Variants in CACNA1B observed in about 807,000 individuals in gnomAD.
The protein encoded by CACNA1B is calcium voltage-gated channel subunit alpha1 B, also known as voltage-dependent N-type calcium channel subunit alpha-1B.
CACNA1B carries 70 observed loss-of-function variants against 247.2 expected under a neutral mutation model. The observed-to-expected ratio is 0.28, with a 90% CI of 0.23 to 0.35. CACNA1B has a LOEUF of 0.35. Among genes scored for constraint, CACNA1B ranks in the 10% least tolerant of loss-of-function variants. The pLI, the probability that CACNA1B is intolerant of heterozygous loss-of-function variation, is 1.00. For missense variants in CACNA1B, 2,367 were observed against 3,197.4 expected, an observed-to-expected ratio of 0.74 and a Z score of 6.26; for synonymous variants, 1,231 against 1,294.4, an observed-to-expected ratio of 0.95 and a Z score of 1.05.
chr9:138,073,637 T>C lies in CACNA1B; in HGVS notation c.4791+33T>C. 8.2e-7 allele frequency: 1 copy of C among 1,212,354 alleles called. No homozygotes were observed. The highest frequency in any genetic ancestry group is 1.2e-6 in the Non-Finnish European group (1 of 814,154). The allele number at this position is 1,212,354 out of a possible 1,614,324, so 75.1% of individuals were successfully genotyped here. Reference sequence around the variant, plus strand: ...AGGCGGGGGGCCTCCATGCTTTCTGTCCCCTTCCTCCGTCTTGCTTCCCCT... The same window carrying C: ...AGGCGGGGGGCCTCCATGCTTTCTGCCCCCTTCCTCCGTCTTGCTTCCCCT... On this transcript the variant is annotated intron_variant, in intron 33 of 46. Transcript: ENST00000371372. The surrounding 1 kb of genome is among the most constrained non-coding windows in gnomAD (Gnocchi z 6.4).
intron 36 of CACNA1B, among the ~76,000 whole-genome samples, chr9:138,092,956 A>G (rs1475675366): frequency 1.3e-5 from 2 of 152,206 alleles, no homozygotes; most frequent in Admixed American, 6.5e-5. Flanking sequence ...ATTGCAAACT[A>G]TTCATCTGAC....
chr9:137,895,100 G>A (rs1294418098), intron 3 of CACNA1B, among the ~76,000 whole-genome samples: 3 of 152,146 alleles, frequency 2.0e-5, no homozygotes, highest in Non-Finnish European at 4.4e-5. Context: ...TTTGTTGAAA[G>A]GGCTGCATTT....
intron 37 of CACNA1B, chr9:138,101,027 C>G: frequency 2.2e-6 from 1 of 463,890 alleles, no homozygotes; most frequent in South Asian, 1.6e-5. Flanking sequence ...TCGGTCTTCC[C>G]ATCACAGGCT....
chr9:138,105,779 G>A lies in CACNA1B; in HGVS notation c.5400G>A (p.Arg1800=). The A allele has an allele frequency of 1.3e-6, 2 of 1,560,200 alleles. No individual in the cohort carries two copies. The highest frequency in any genetic ancestry group is 2.4e-5 in the East Asian group (1 of 41,572). The change falls in exon 39 of 47, where the codon CGG becomes CGA. Residue 1800 remains arginine, a synonymous_variant. Transcript: ENST00000371372. ...HFTSTLMALI[R]TALEIKLAPA... is the part of the protein sequence containing the mutation. ...CGTCCACGCTGATGGCCCTCATCCGGACGGCACTGGAGATCAAGCTGGCCC... is the reference window on the plus strand; with the variant it reads ...CGTCCACGCTGATGGCCCTCATCCGAACGGCACTGGAGATCAAGCTGGCCC...
intron 20 of CACNA1B, among the ~76,000 whole-genome samples, chr9:138,043,033 T>G (rs1959144592): frequency 6.6e-6 from 1 of 152,130 alleles, no homozygotes; most frequent in South Asian, 2.1e-4. Context: ...ATAGGATAGT[T>G]GAAAATGAAG....
At chr9:138,047,684 G>A (rs1400483564) in intron 23 of CACNA1B, among the ~76,000 whole-genome samples, 4 of 152,224 alleles carry the variant, frequency 2.6e-5, no homozygotes, top group Non-Finnish European at 4.4e-5. Flanking sequence ...CCCCAGTGTC[G>A]TGCCTGGGCC....
chr9:138,028,571 T>C (rs1958950275), intron 20 of CACNA1B, among the ~76,000 whole-genome samples: 1 of 152,242 alleles, frequency 6.6e-6, no homozygotes, highest in Admixed American at 6.5e-5. Flanking sequence ...CATAACTTAC[T>C]GTGAACAAAA....
rs1276359263 is a variant in CACNA1B, at chr9:138,033,423, G to T, written c.3286+8251G>T. Among the ~76,000 whole-genome samples the T allele has an allele frequency of 2.0e-5, 3 of 151,962 alleles. No homozygotes were observed. The East Asian group carries it at 5.8e-4, about 29-fold the overall frequency. On this transcript the variant is annotated intron_variant, in intron 20 of 46. Transcript: ENST00000371372. ...TTGATTGTGTTTTCTCATTCAAGTT[G>T]AGATTTCCTGGTTCTTGGTGTGATA... is the stretch of plus-strand genomic sequence containing the variant.
rs1958762530 is a variant in CACNA1B, at chr9:138,014,229, T to C, written c.2267+994T>C. ...TGGATGAGTGTGCTAGGTGTGTGTG[T>C]GTGCACTTGAGAGTTGCACAGTGAG... is the stretch of plus-strand genomic sequence containing the variant. On this transcript the variant is annotated intron_variant, in intron 18 of 46. Coordinates refer to ENST00000371372, the MANE Select transcript of CACNA1B (RefSeq NM_000718.4). This position sits in a 1 kb window ranked among gnomAD's most constrained non-coding sequence, Gnocchi z 6.2. Among the ~76,000 whole-genome samples, 1 of 152,214 alleles carries C rather than the reference T, an allele frequency of 6.6e-6. No individual in the cohort carries two copies. Among genetic ancestry groups the C allele is most frequent in the Admixed American group, 6.5e-5 (1 of 15,280 alleles).
chr9:138,057,981 C>T lies in CACNA1B; in HGVS notation c.4107-68C>T. On this transcript the variant is annotated intron_variant, in intron 27 of 46. Transcript: ENST00000371372. This position sits in a 1 kb window ranked among gnomAD's most constrained non-coding sequence, Gnocchi z 4.0. ...TGGAAGCAGACCCACCCTTGTGGTG[C>T]AGGTCTTGAGTTCTTAGGGCTGTCT... 6.4e-7 allele frequency: 1 copy of T among 1,550,396 alleles called. No homozygotes were observed. Among genetic ancestry groups the T allele is most frequent in the South Asian group, 1.1e-5 (1 of 89,590 alleles).
At chr9:137,968,489 C>G (rs568982167) in intron 10 of CACNA1B, among the ~76,000 whole-genome samples, 3 of 152,230 alleles carry the variant, frequency 2.0e-5, no homozygotes, top group African/African-American at 4.8e-5. Context: ...GTGATGTGCA[C>G]GAGGGCCAGG....
At chr9:138,115,529 C>T in intron 41 of CACNA1B, 23 bp from the exon 42 acceptor site, 3 of 1,608,050 alleles carry the variant, frequency 1.9e-6, no homozygotes, top group Non-Finnish European at 2.5e-6. Flanking sequence ...GAGCTCTTTC[C>T]CTTCCCTTTG....
intron 36 of CACNA1B, among the ~76,000 whole-genome samples, chr9:138,094,142 G>A (rs79850697): frequency 0.01 from 1,523 of 152,222 alleles, 28 homozygotes; most frequent in African/African-American, 0.035. Context: ...CCTTGAAGAC[G>A]TTATGTTAGG....
chr9:138,084,628 C>T (rs1282151779), intron 36 of CACNA1B, among the ~76,000 whole-genome samples: 1 of 151,224 alleles, frequency 6.6e-6, no homozygotes, highest in Non-Finnish European at 1.5e-5. Flanking sequence ...ACCAGATGTA[C>T]AGACATTAAG....
chr9:138,006,445 C>A (rs376665560), intron 15 of CACNA1B, among the ~76,000 whole-genome samples: 1 of 152,166 alleles, frequency 6.6e-6, no homozygotes, highest in South Asian at 2.1e-4. Flanking sequence ...TCTCTCCATG[C>A]CTGATCTCAC....
In CACNA1B at chr9:138,023,811, G is replaced by T; in HGVS notation, c.3068G>T (p.Arg1023Leu). Residue 1023 changes from arginine (R) to leucine (L), a missense_variant and splice_region_variant, in exon 19 of 47, where the codon CGG becomes CTG. Physicochemically the swap from Arg to Leu is moderately radical, Grantham distance 102. Transcript: ENST00000371372. The stretch of plus-strand genomic sequence containing the variant: ...AAGGAGCTCCGGAACCACCAGCCCC[G>T]GTGAGTCCGCGGCTGGGCGGGGTCA... ...KEKELRNHQP[R>L]EPHCDLETSG... 7.4e-7 allele frequency: 1 copy of T among 1,352,986 alleles called. No homozygotes were observed. Among genetic ancestry groups the T allele is most frequent in the Non-Finnish European group, 1.0e-6 (1 of 968,000 alleles). The allele number at this position is 1,352,986 out of a possible 1,614,324, so 83.8% of individuals were successfully genotyped here. A position where few individuals can be genotyped will look rare whatever the true frequency, so the allele number is the denominator to read the frequency against.
rs911059667 is a variant in CACNA1B at position 137,973,088 on chromosome 9, G to A, written c.1543+1496G>A. On this transcript the variant is annotated intron_variant, in intron 11 of 46. Transcript: ENST00000371372. This position sits in a 1 kb window ranked among gnomAD's most constrained non-coding sequence, Gnocchi z 4.1. ...AGAGGCTGTTGGTGTGCAGTGAGTC[G>A]GCAGGCAGTGGGGTAGGGGTAGGGC... 4.6e-5 allele frequency among the ~76,000 whole-genome samples: 7 copies of A among 152,194 alleles called. No individual in the cohort carries two copies. The highest frequency in any genetic ancestry group is 1.9e-4 in the East Asian group (1 of 5,204).
chr9:138,120,991 T>A, intron 46 of CACNA1B, 110 bp downstream of exon 46: 1 of 1,292,410 alleles, frequency 7.7e-7, no homozygotes, highest in Non-Finnish European at 1.0e-6. Flanking sequence ...CCCTTTGTCA[T>A]TCCCAGCAAC....
At chr9:138,039,440 T>A (rs1286251459) in intron 20 of CACNA1B, among the ~76,000 whole-genome samples, 1 of 152,206 alleles carries the variant, frequency 6.6e-6, no homozygotes, top group Non-Finnish European at 1.5e-5. Context: ...CAGTTTCGTC[T>A]GTTGGTTCTG....
Sources: allele counts gnomAD v4.1 joint callset (sites outside exome capture counted in the v4.1 genomes callset), GRCh38; gene constraint gnomAD v4.1.1; non-coding constraint Gnocchi (gnomAD v3.1); transcripts MANE v1.5; gene names NCBI Gene and HGNC (gene_info 2026-07-23, HGNC 2026-07-21).